GBE1: variants seen among roughly 807,000 people sequenced by gnomAD.
The protein encoded by GBE1 is 1,4-alpha-glucan-branching enzyme.
In GBE1, 70 loss-of-function variants were observed where a neutral mutation model predicts 88.8. That is an observed-to-expected ratio of 0.79 (90% CI 0.65 to 0.96). GBE1 has a LOEUF of 0.96. GBE1 is among the 40% of genes least tolerant of loss of function. The pLI is 0.00. For missense variants in GBE1, 872 were observed against 871.0 expected, an observed-to-expected ratio of 1.00 and a Z score of -0.01; for synonymous variants, 284 against 300.1, an observed-to-expected ratio of 0.95 and a Z score of 0.56.
At chr3:81,732,932 T>C (rs973899876) in intron 1 of GBE1, among the ~76,000 whole-genome samples, 1 of 152,220 alleles carries the variant, frequency 6.6e-6, no homozygotes, top group African/African-American at 2.4e-5. Flanking sequence ...CTTACTGCTC[T>C]GTCCCTAGCT....
chr3:81,655,812 G>A (rs899782015), intron 3 of GBE1, among the ~76,000 whole-genome samples: 3 of 152,090 alleles, frequency 2.0e-5, no homozygotes, highest in Admixed American at 6.5e-5. Flanking sequence ...GAGCCACCAC[G>A]CCCAGCCAAA....
chr3:81,574,935 C>T (rs1371466170), intron 12 of GBE1, among the ~76,000 whole-genome samples: 3 of 152,096 alleles, frequency 2.0e-5, no homozygotes, highest in Non-Finnish European at 4.4e-5. Context: ...GAGGCCGAGG[C>T]AGGCGAATCA....
intron 2 of GBE1, among the ~76,000 whole-genome samples, chr3:81,678,986 T>A (rs979075222): frequency 6.6e-6 from 1 of 152,052 alleles, no homozygotes; most frequent in South Asian, 2.1e-4. Context: ...AATGACGAAA[T>A]TGTACATTGC....
intron 12 of GBE1, among the ~76,000 whole-genome samples, chr3:81,565,680 A>G (rs538618889): frequency 8.5e-5 from 13 of 152,188 alleles, no homozygotes; most frequent in Non-Finnish European, 1.8e-4. Flanking sequence ...TACTGCTGAG[A>G]GAGAAAATTG....
intron 15 of GBE1, 96 bp downstream of exon 15, chr3:81,499,014 G>T: frequency 5.6e-6 from 4 of 719,030 alleles, no homozygotes; most frequent in South Asian, 1.8e-5. Flanking sequence ...TTTTTTCCAT[G>T]TTGCTTATTT....
intron 2 of GBE1, among the ~76,000 whole-genome samples, chr3:81,679,880 C>T (rs1214955552): frequency 6.6e-6 from 1 of 152,068 alleles, no homozygotes; most frequent in Non-Finnish European, 1.5e-5. Flanking sequence ...AGAAACCATT[C>T]AATTATCTCA....
chr3:81,621,013 T>G (rs1051203334), intron 7 of GBE1, among the ~76,000 whole-genome samples: 1 of 152,144 alleles, frequency 6.6e-6, no homozygotes, highest in Admixed American at 6.5e-5. Flanking sequence ...AAGAAGGACC[T>G]CACGGAGGCG....
intron 2 of GBE1, among the ~76,000 whole-genome samples, chr3:81,680,187 G>A (rs892019067): frequency 1.3e-5 from 2 of 152,272 alleles, no homozygotes; most frequent in African/African-American, 4.8e-5. Context: ...CATGACAAGT[G>A]AGTTTGAAAT....
At chr3:81,528,037 A>C (rs1702968041) in intron 14 of GBE1, among the ~76,000 whole-genome samples, 1 of 152,058 alleles carries the variant, frequency 6.6e-6, no homozygotes, top group Admixed American at 6.6e-5. Flanking sequence ...CTATGCAGCC[A>C]TAACAAATGA....
intron 2 of GBE1, among the ~76,000 whole-genome samples, chr3:81,678,303 G>T (rs1705291296): frequency 6.6e-6 from 1 of 152,158 alleles, no homozygotes; most frequent in Admixed American, 6.5e-5. Context: ...GACCACCTTT[G>T]TACACGCAGT....
At chr3:81,648,427 T>A (rs1177201896) in intron 5 of GBE1, among the ~76,000 whole-genome samples, 1 of 152,054 alleles carries the variant, frequency 6.6e-6, no homozygotes, top group Non-Finnish European at 1.5e-5. Flanking sequence ...AAATAAATCA[T>A]CCAGGCAGGG....
At chr3:81,579,967 C>T (rs1703698935) in intron 11 of GBE1, among the ~76,000 whole-genome samples, 1 of 152,092 alleles carries the variant, frequency 6.6e-6, no homozygotes, top group South Asian at 2.1e-4. Context: ...TTTACAAAAA[C>T]AGGCAGCAGG....
At chr3:81,712,398 C>T (rs550566921) in intron 1 of GBE1, among the ~76,000 whole-genome samples, 1 of 152,092 alleles carries the variant, frequency 6.6e-6, no homozygotes, top group East Asian at 1.9e-4. Flanking sequence ...GGAACCAACC[C>T]AAATGTCCAT....
At chr3:81,627,044 T>C (rs1704427390) in intron 7 of GBE1, among the ~76,000 whole-genome samples, 1 of 152,194 alleles carries the variant, frequency 6.6e-6, no homozygotes, top group African/African-American at 2.4e-5. Context: ...AGAGCTATAA[T>C]AAACCTGGAT....
At chr3:81,530,991 C>T (rs1240513056) in intron 14 of GBE1, among the ~76,000 whole-genome samples, 1 of 151,782 alleles carries the variant, frequency 6.6e-6, no homozygotes, top group Non-Finnish European at 1.5e-5. Flanking sequence ...TAGAAACCTA[C>T]TTCATGCCAT....
intron 1 of GBE1, among the ~76,000 whole-genome samples, chr3:81,732,247 T>C (rs963858584): frequency 8.5e-5 from 13 of 152,148 alleles, no homozygotes; most frequent in African/African-American, 3.1e-4. Context: ...AAGATGACTG[T>C]CCCTCAAAAA....
chr3:81,620,881 G>C (rs1441139428), intron 7 of GBE1, among the ~76,000 whole-genome samples: 1 of 152,130 alleles, frequency 6.6e-6, no homozygotes, highest in African/African-American at 2.4e-5. Flanking sequence ...ATATAAGATA[G>C]TCCATAAAGC....
At chr3:81,707,620 A>G (rs1705796794) in intron 1 of GBE1, among the ~76,000 whole-genome samples, 1 of 152,020 alleles carries the variant, frequency 6.6e-6, no homozygotes, top group Admixed American at 6.6e-5. Flanking sequence ...AAAAAAAGGC[A>G]TGAGTGAAAG....
At chr3:81,609,947 A>G (rs2106987690) in intron 7 of GBE1, among the ~76,000 whole-genome samples, 1 of 152,342 alleles carries the variant, frequency 6.6e-6, no homozygotes, top group South Asian at 2.1e-4. Context: ...GCCAGTTACA[A>G]GAGGGATAAA....
Sources: gnomAD v4.1 joint callset for allele counts (sites outside exome capture counted in the v4.1 genomes callset) on GRCh38, gnomAD v4.1.1 for gene constraint, MANE v1.5 for transcripts, NCBI Gene and HGNC (gene_info 2026-07-23, HGNC 2026-07-21) for gene names.